LRRC4C: variants seen among roughly 807,000 people sequenced by gnomAD.
LRRC4C encodes leucine rich repeat containing 4C, also known as leucine-rich repeat-containing protein 4C.
In LRRC4C, 5 loss-of-function variants were observed where a neutral mutation model predicts 33.6. The ratio of observed to expected loss-of-function variants is 0.15; its 90% confidence interval spans 0.08 to 0.31. The LOEUF (loss-of-function observed/expected upper bound fraction) is 0.31. Among genes scored for constraint, LRRC4C ranks in the 10% least tolerant of loss-of-function variants. The pLI is 1.00. For synonymous variants in LRRC4C, 329 were observed against 302.0 expected, an observed-to-expected ratio of 1.09 and a Z score of -0.93; for missense variants, 560 against 796.7, an observed-to-expected ratio of 0.70 and a Z score of 3.58.
At chr11:40,582,693 T>G (rs1341066432) in intron 3 of LRRC4C, among the ~76,000 whole-genome samples, 1 of 151,916 alleles carries the variant, frequency 6.6e-6, no homozygotes, top group Non-Finnish European at 1.5e-5. Context: ...ATTTTTGTAT[T>G]TTTAGTAGAG....
At chr11:40,572,848 C>T (rs1958038936) in intron 3 of LRRC4C, among the ~76,000 whole-genome samples, 1 of 152,116 alleles carries the variant, frequency 6.6e-6, no homozygotes, top group Admixed American at 6.6e-5. Context: ...AATGCATTTG[C>T]TATTATAATA....
At chr11:41,259,436 C>A (rs1339275310) in intron 1 of LRRC4C, among the ~76,000 whole-genome samples, 3 of 152,036 alleles carry the variant, frequency 2.0e-5, no homozygotes, top group Middle Eastern at 3.4e-3. Context: ...TTATTCTTGT[C>A]TCTAAGTATC....
chr11:40,284,452 G>GTGCTGTTGAGAAGAGTCTGGATTTTT (rs1943698842), intron 4 of LRRC4C, among the ~76,000 whole-genome samples: 2 of 151,948 alleles, frequency 1.3e-5, no homozygotes, highest in South Asian at 2.1e-4. Flanking sequence ...GAGGAAGACT[G>GTGCTGTTGAGAAGAGTCTGGATTTTT]TGCTGTTGAG....
intron 2 of LRRC4C, among the ~76,000 whole-genome samples, chr11:40,770,669 C>A (rs774841324): frequency 2.2e-4 from 33 of 152,168 alleles, no homozygotes; most frequent in Non-Finnish European, 4.1e-4. Context: ...TAGTTAATTT[C>A]AAGATATAAT....
chr11:40,708,454 C>T (rs928044854), intron 2 of LRRC4C, among the ~76,000 whole-genome samples: 9 of 152,058 alleles, frequency 5.9e-5, no homozygotes, highest in African/African-American at 9.7e-5. Context: ...TTATTTCTGC[C>T]TTCATTTTGT....
chr11:40,886,110 T>C (rs1955440160), intron 2 of LRRC4C, among the ~76,000 whole-genome samples: 1 of 152,120 alleles, frequency 6.6e-6, no homozygotes, highest in Admixed American at 6.6e-5. Flanking sequence ...TAGTAATTAA[T>C]AAAGCAACAA....
intron 3 of LRRC4C, among the ~76,000 whole-genome samples, chr11:40,479,588 C>A (rs1953434943): frequency 6.6e-6 from 1 of 152,158 alleles, no homozygotes; most frequent in Non-Finnish European, 1.5e-5. Flanking sequence ...AGGGAGTAAG[C>A]TGGATCAGGT....
chr11:40,536,471 C>T (rs577676232), intron 3 of LRRC4C, among the ~76,000 whole-genome samples: 2 of 152,270 alleles, frequency 1.3e-5, no homozygotes, highest in South Asian at 2.1e-4. Context: ...GGATTACAGG[C>T]GTGAGCCACC....
chr11:40,273,502 T>G (rs1031966513), intron 4 of LRRC4C, among the ~76,000 whole-genome samples: 10 of 152,278 alleles, frequency 6.6e-5, no homozygotes, highest in African/African-American at 2.4e-4. Flanking sequence ...TCCAACATTT[T>G]TCTCTTAATC....
chr11:41,449,236 A>G (rs1955938973), intron 1 of LRRC4C, among the ~76,000 whole-genome samples: 1 of 152,212 alleles, frequency 6.6e-6, no homozygotes. Flanking sequence ...TCGTCAAAAC[A>G]GAAAGTGGGC....
At chr11:40,286,597 T>G (rs1189875711) in intron 4 of LRRC4C, among the ~76,000 whole-genome samples, 1 of 152,166 alleles carries the variant, frequency 6.6e-6, no homozygotes, top group African/African-American at 2.4e-5. Flanking sequence ...TCACAGAATC[T>G]TAAATGTTAA....
intron 1 of LRRC4C, among the ~76,000 whole-genome samples, chr11:41,349,943 C>T (rs1232935567): frequency 6.6e-6 from 1 of 152,004 alleles, no homozygotes; most frequent in African/African-American, 2.4e-5. Flanking sequence ...GGTGGCATTG[C>T]TTTACATTTT....
intron 1 of LRRC4C, among the ~76,000 whole-genome samples, chr11:41,016,578 A>G (rs1855600071): frequency 6.6e-6 from 1 of 152,202 alleles, no homozygotes; most frequent in Admixed American, 6.5e-5. Flanking sequence ...TCATAGCAAC[A>G]TGACACTCAG....
At chr11:41,169,695 A>T (rs1407894970) in intron 1 of LRRC4C, among the ~76,000 whole-genome samples, 1 of 152,186 alleles carries the variant, frequency 6.6e-6, no homozygotes, top group Non-Finnish European at 1.5e-5. Context: ...TTTAAATTAC[A>T]GCAATAAACA....
intron 1 of LRRC4C, among the ~76,000 whole-genome samples, chr11:41,034,975 T>C (rs150067715): frequency 1.5e-3 from 223 of 150,760 alleles, no homozygotes; most frequent in African/African-American, 5.2e-3. Context: ...TTTGTTGTTA[T>C]GTTATTTTGT....
intron 3 of LRRC4C, among the ~76,000 whole-genome samples, chr11:40,364,850 A>G (rs550273087): frequency 1.3e-5 from 2 of 152,166 alleles, no homozygotes; most frequent in South Asian, 4.1e-4. Context: ...CAGACTTCTT[A>G]TTGGGAAAAA....
rs758334311 is a variant in LRRC4C, at chr11:41,279,426, A to ACCC, written c.-496+180004_-496+180005insGGG. On this transcript the variant is annotated intron_variant, in intron 1 of 6. Coordinates refer to ENST00000528697, the MANE Select transcript of LRRC4C (RefSeq NM_001258419.2). ...CACACACACACACACACACACACAC[A>ACCC]CACCGTGGCAATCACTGCCTGCAAT... is the stretch of plus-strand genomic sequence containing the variant. Among the ~76,000 whole-genome samples the ACCC allele has an allele frequency of 6.2e-5, 7 of 113,276 alleles. No individual in the cohort carries two copies. The South Asian group carries it at 7.8e-4, about 13-fold the overall frequency. 74.3% of individuals were successfully genotyped at this position (113,276 alleles called of 152,430 possible).
chr11:41,216,100 C>A (rs1947050759), intron 1 of LRRC4C, among the ~76,000 whole-genome samples: 1 of 152,186 alleles, frequency 6.6e-6, no homozygotes, highest in Non-Finnish European at 1.5e-5. Flanking sequence ...CTTAAAGAAG[C>A]AAATGTCTGA....
At chr11:40,800,828 T>C (rs756815928) in intron 2 of LRRC4C, among the ~76,000 whole-genome samples, 6 of 152,194 alleles carry the variant, frequency 3.9e-5, no homozygotes, top group Non-Finnish European at 8.8e-5. Flanking sequence ...TTGAATATAA[T>C]ACAAGCTATT....
Sources: allele counts gnomAD v4.1 joint callset (sites outside exome capture counted in the v4.1 genomes callset), GRCh38; gene constraint gnomAD v4.1.1; transcripts MANE v1.5; gene names NCBI Gene and HGNC (gene_info 2026-07-23, HGNC 2026-07-21).